The following FHL5 variants were observed in gnomAD, a reference collection of about 807,000 sequenced individuals.
The protein encoded by FHL5 is four and a half LIM domains protein 5.
Under a neutral mutation model 32.0 loss-of-function variants are expected in FHL5, and 33 were observed. The observed-to-expected ratio is 1.03, with a 90% CI of 0.78 to 1.38. The LOEUF is 1.38. Ranked by LOEUF, FHL5 falls within the 40% of genes most tolerant of loss-of-function variation. The pLI, the probability that FHL5 is intolerant of heterozygous loss-of-function variation, is 0.00. For missense variants in FHL5, 336 were observed against 343.9 expected (o/e 0.98, Z 0.18); for synonymous variants, 114 against 113.6 (o/e 1.00, Z -0.02).
upstream of FHL5, chr6:96,562,988 T>G (rs375585893): frequency 1.3e-5 from 2 of 152,174 alleles, no homozygotes; most frequent in African/African-American, 2.4e-5. Flanking sequence ...TGTGTGAACA[T>G]TGTGTATTTT....
chr6:96,604,912 A>G lies in FHL5; in HGVS notation c.322A>G (p.Thr108Ala). The change falls in exon 3 of 6, where the codon ACC becomes GCC. Residue 108 changes from threonine to alanine, a missense_variant. By Grantham distance (58) the Thr-to-Ala change is moderately conservative. Transcript: ENST00000450218. ...CSSKCFHCKRTIMPGSRKMEF... is the reference protein window; with the variant it reads ...CSSKCFHCKRAIMPGSRKMEF... Reference sequence around the variant, plus strand: ...CTCCAAGTGCTTCCACTGCAAGAGGACCATCATGCCTGGTAGGGTCTCAAG... The same window carrying G: ...CTCCAAGTGCTTCCACTGCAAGAGGGCCATCATGCCTGGTAGGGTCTCAAG... 6.2e-7 allele frequency: 1 copy of G among 1,607,744 alleles called. No homozygotes were observed.
In FHL5 at chr6:96,616,717, T is replaced by A. The variant is rs1441311122; in HGVS notation, c.*945T>A. 6.6e-6 allele frequency: 1 copy of A among 152,206 alleles called. No individual in the cohort carries two copies. The highest frequency in any genetic ancestry group is 2.4e-5 in the African/African-American group (1 of 41,450). 9.4% of individuals were successfully genotyped at this position (152,206 alleles called of 1,614,324 possible). ...CCAGATATCTAACGACATAATAGAA[T>A]GCATAATTAGCTCTGTGCCTCATGC... On this transcript the variant is annotated 3_prime_UTR_variant, in exon 6 of 6. Transcript: ENST00000450218.
chr6:96,570,537 T>C (rs1453826013), intron 1 of FHL5, among the ~76,000 whole-genome samples: 1 of 152,158 alleles, frequency 6.6e-6, no homozygotes, highest in Non-Finnish European at 1.5e-5. Context: ...CCCCCACCAC[T>C]AAATTGGGAA....
At chr6:96,564,704 G>T (rs1054652481) in intron 1 of FHL5, among the ~76,000 whole-genome samples, 2 of 151,974 alleles carry the variant, frequency 1.3e-5, no homozygotes, top group Non-Finnish European at 2.9e-5. Context: ...TTTTTCAATC[G>T]AGGGAACATG....
chr6:96,597,182 T>G (rs1582472734), intron 1 of FHL5, among the ~76,000 whole-genome samples: 1 of 151,790 alleles, frequency 6.6e-6, no homozygotes, highest in East Asian at 1.9e-4. Context: ...TCTGCAACTC[T>G]CTCTTTATAT....
At chr6:96,572,730 G>A (rs1207732634) in intron 1 of FHL5, among the ~76,000 whole-genome samples, 1 of 152,172 alleles carries the variant, frequency 6.6e-6, no homozygotes, top group Non-Finnish European at 1.5e-5. Context: ...CCAGTGGGAA[G>A]GTCTGTTGGT....
chr6:96,585,337 C>A (rs1475505848), intron 1 of FHL5, among the ~76,000 whole-genome samples: 1 of 151,980 alleles, frequency 6.6e-6, no homozygotes, highest in African/African-American at 2.4e-5. Flanking sequence ...AAATAAAGAC[C>A]TGAATAGGCA....
In FHL5 at chr6:96,577,858, A is replaced by G. The variant is rs146875066; in HGVS notation, c.-13+14503A>G. On this transcript the variant is annotated intron_variant, in intron 1 of 5. Coordinates refer to ENST00000450218, the MANE Select transcript of FHL5 (RefSeq NM_001322466.2). ...CCTTTTTACCAACTTCTACGTGGAA[A>G]ACAAAACAAATGGCTTCTGTGAGAA... Among the ~76,000 whole-genome samples, 367 of 152,260 alleles carry G rather than the reference A, an allele frequency of 2.4e-3. 1 individual carries two copies. Among genetic ancestry groups the G allele is most frequent in the Non-Finnish European group, 4.6e-3 (312 of 68,022 alleles).
chr6:96,567,418 T>C (rs1030888904), intron 1 of FHL5, among the ~76,000 whole-genome samples: 16 of 151,970 alleles, frequency 1.1e-4, no homozygotes, highest in African/African-American at 3.9e-4. Context: ...AAGTTCAAAA[T>C]GTGATTTCTC....
chr6:96,571,654 G>A lies in FHL5; in HGVS notation c.-13+8299G>A, dbSNP rs1045536563. ...GACCCCCTAGCAGCTCAGGCTCAGGGTGCCAGGTTGTAGCTGTGATTCTAC... is the reference window on the plus strand; with the variant it reads ...GACCCCCTAGCAGCTCAGGCTCAGGATGCCAGGTTGTAGCTGTGATTCTAC... On this transcript the variant is annotated intron_variant, in intron 1 of 5. Coordinates refer to ENST00000450218, the MANE Select transcript of FHL5 (RefSeq NM_001322466.2). Among the ~76,000 whole-genome samples the A allele has an allele frequency of 3.3e-5, 5 of 152,132 alleles. No homozygotes were observed. The East Asian group carries it at 9.7e-4, about 29-fold the overall frequency.
At chr6:96,609,310 C>T (rs575435614) in intron 4 of FHL5, among the ~76,000 whole-genome samples, 113 of 152,286 alleles carry the variant, frequency 7.4e-4, no homozygotes, top group Middle Eastern at 3.4e-3. Context: ...GGAACCACCT[C>T]AGATACCCCA....
At chr6:96,608,926 G>T (rs1011149222) in intron 4 of FHL5, among the ~76,000 whole-genome samples, 7 of 152,224 alleles carry the variant, frequency 4.6e-5, no homozygotes, top group East Asian at 1.9e-4. Flanking sequence ...CATTTTTCAA[G>T]TTTCAGATCT....
chr6:96,575,599 G>A (rs1461485471), intron 1 of FHL5, among the ~76,000 whole-genome samples: 1 of 152,218 alleles, frequency 6.6e-6, no homozygotes, highest in Non-Finnish European at 1.5e-5. Context: ...GGCTCCACAT[G>A]AAGTGCCTTT....
chr6:96,573,555 A>C (rs1770524758), intron 1 of FHL5, among the ~76,000 whole-genome samples: 1 of 123,248 alleles, frequency 8.1e-6, no homozygotes, highest in Non-Finnish European at 1.6e-5. Flanking sequence ...TTTTTTTGAG[A>C]CGGAGGCCCA....
intron 1 of FHL5, 138 bp downstream of exon 1, chr6:96,563,493 A>G (rs1042791996): frequency 3.9e-5 from 6 of 152,074 alleles, no homozygotes; most frequent in African/African-American, 1.4e-4. Context: ...GCAAAAGTGT[A>G]TGCCTTTTGA....
intron 1 of FHL5, among the ~76,000 whole-genome samples, chr6:96,598,355 C>T (rs904163342): frequency 2.0e-5 from 3 of 152,198 alleles, no homozygotes; most frequent in Admixed American, 2.0e-4. Context: ...AAATCTGCAT[C>T]CTGAACACAC....
At chr6:96,595,094 G>T (rs2983899) in intron 1 of FHL5, among the ~76,000 whole-genome samples, 5,374 of 151,674 alleles carry the variant, frequency 0.035, 251 homozygotes, top group African/African-American at 0.11. Context: ...TAAACCTTCC[G>T]TTAGAGAGTT....
chr6:96,607,648 A>G (rs1470729276), intron 4 of FHL5, among the ~76,000 whole-genome samples: 1 of 152,078 alleles, frequency 6.6e-6, no homozygotes, highest in Non-Finnish European at 1.5e-5. Flanking sequence ...CATATGACAT[A>G]TGAAGCTCCA....
At chr6:96,610,150 G>A (rs997326785) in intron 4 of FHL5, among the ~76,000 whole-genome samples, 3 of 152,178 alleles carry the variant, frequency 2.0e-5, no homozygotes, top group African/African-American at 7.2e-5. Flanking sequence ...AGCTCTAACG[G>A]CAGATCTTTA....
Sources: gnomAD v4.1 joint callset for allele counts (sites outside exome capture counted in the v4.1 genomes callset) on GRCh38, gnomAD v4.1.1 for gene constraint, MANE v1.5 for transcripts, NCBI Gene and HGNC (gene_info 2026-07-23, HGNC 2026-07-21) for gene names.